The following PCLO variants were observed in gnomAD, a reference collection of about 807,000 sequenced individuals.
The protein encoded by PCLO is protein piccolo.
A neutral mutation model predicts 427.5 loss-of-function variants in PCLO; 82 were observed. The observed-to-expected ratio is 0.19, with a 90% CI of 0.16 to 0.23. The LOEUF (loss-of-function observed/expected upper bound fraction) is 0.23, where lower values mean the gene tolerates loss of function less well. PCLO is among the 10% of genes least tolerant of loss of function. PCLO has a pLI of 1.00. For synonymous variants in PCLO, 2,357 were observed against 2,155.4 expected, an observed-to-expected ratio of 1.09 and a Z score of -2.59; for missense variants, 6,239 against 6,115.9, an observed-to-expected ratio of 1.02 and a Z score of -0.67.
At chr7:83,050,807 G>A (rs1187463082) in intron 3 of PCLO, among the ~76,000 whole-genome samples, 2 of 151,692 alleles carry the variant, frequency 1.3e-5, no homozygotes, top group Non-Finnish European at 2.9e-5. Flanking sequence ...CAGCTACTCA[G>A]GAGGCTAAAA....
Position 83,135,589 on chromosome 7 carries a change from G to C in PCLO, c.1961C>G (p.Pro654Arg), listed in dbSNP as rs770951165. ...CTTCAGTTTGGGCTGGGGTGATGAC[G>C]GAACTGGAGCCAGATCCCCGCCTAG... ...RALGGDLAPV[P>R]SSPQPKLKTA... Residue 654 changes from proline to arginine, a missense_variant, in exon 3 of 25, where the codon CCG becomes CGG. By Grantham distance (103) the Pro-to-Arg change is moderately radical. Transcript: ENST00000333891. 2 of 1,612,792 alleles carry C rather than the reference G, an allele frequency of 1.2e-6. No individual in the cohort carries two copies. The highest frequency in any genetic ancestry group is 1.7e-6 in the Non-Finnish European group (2 of 1,179,518).
Position 82,801,532 on chromosome 7 carries a change from A to G in PCLO, c.14993T>C (p.Leu4998Pro). ...PVKQPGVGVG[L>P]ADTEAKTQVM... ...TTTTTACTTACCTTCAGTGTCTGCT[A>G]GTCCTACTCCTACCCCTGGCTGTTT... Residue 4998 changes from leucine to proline, a missense_variant, in exon 22 of 25, where the codon CTA (leucine) becomes CCA (proline). This residue lies in a region of PCLO where 877 missense variants were observed against 925.5 expected (regional missense o/e 0.95). Coordinates refer to ENST00000333891, the MANE Select transcript of PCLO (RefSeq NM_033026.6). 6.3e-7 allele frequency: 1 copy of G among 1,579,578 alleles called. No individual in the cohort carries two copies. Among genetic ancestry groups the G allele is most frequent in the Non-Finnish European group, 8.7e-7 (1 of 1,148,748 alleles).
chr7:82,967,953 C>A (rs1374583255), intron 3 of PCLO, among the ~76,000 whole-genome samples: 1 of 152,160 alleles, frequency 6.6e-6, no homozygotes, highest in African/African-American at 2.4e-5. Flanking sequence ...GCTTTTCATG[C>A]TGGCTCACTC....
intron 3 of PCLO, among the ~76,000 whole-genome samples, chr7:82,999,248 A>G (rs1369503148): frequency 6.9e-6 from 1 of 145,014 alleles, no homozygotes; most frequent in Non-Finnish European, 1.5e-5. Flanking sequence ...TAAAATATAT[A>G]TGGATATATA....
chr7:82,967,204 T>TTTC (rs969002449), intron 3 of PCLO, among the ~76,000 whole-genome samples: 7 of 133,104 alleles, frequency 5.3e-5, no homozygotes, highest in African/African-American at 2.8e-4. Flanking sequence ...TTTCTTTTTT[T>TTTC]TTTTTTTTTT....
In PCLO at chr7:83,155,601, C is replaced by T. The variant is rs1792268937; in HGVS notation, c.1040G>A (p.Gly347Glu). 1 of 1,612,172 alleles carries T rather than the reference C, an allele frequency of 6.2e-7. No individual in the cohort carries two copies. Among genetic ancestry groups the T allele is most frequent in the African/African-American group, 1.3e-5 (1 of 74,772 alleles). ...GLTKPLAQQP[G>E]TVKPPVQPPG... ...TGGCTGGACTGGGGGTTTCACTGTC[C>T]CTGGTTGTTGAGCCAATGGCTTTGT... Residue 347 changes from glycine (G) to glutamate (E), a missense_variant, in exon 2 of 25, where the codon GGG becomes GAG. Transcript: ENST00000333891.
chr7:83,059,691 G>A (rs866613590), intron 3 of PCLO, among the ~76,000 whole-genome samples: 1 of 152,114 alleles, frequency 6.6e-6, no homozygotes, highest in Non-Finnish European at 1.5e-5. Context: ...TGGTTAAGAG[G>A]TGAAGAGCTA....
intron 3 of PCLO, among the ~76,000 whole-genome samples, chr7:83,130,130 T>G (rs962063785): frequency 1.3e-5 from 2 of 151,210 alleles, no homozygotes; most frequent in South Asian, 2.1e-4. Flanking sequence ...CCATTATGTT[T>G]TTGTTGTTGT....
At chr7:83,000,738 G>A (rs760050168) in intron 3 of PCLO, among the ~76,000 whole-genome samples, 1 of 151,996 alleles carries the variant, frequency 6.6e-6, no homozygotes, top group Non-Finnish European at 1.5e-5. Flanking sequence ...AGGGGTTGAC[G>A]ACCTCAGCTT....
rs1161030427 is a variant in PCLO at position 83,037,989 on chromosome 7, TTATATATATATATATATATA to T, written c.3301-71522_3301-71503del. Among the ~76,000 whole-genome samples the T allele has an allele frequency of 2.8e-3, 38 of 13,596 alleles. 7 individuals carry two copies. The highest frequency in any genetic ancestry group is 0.011 in the Admixed American group (7 of 618). The allele number at this position is 13,596 out of a possible 152,430, so 8.9% of individuals were successfully genotyped here. A position where few individuals can be genotyped will look rare whatever the true frequency, so the allele number is the denominator to read the frequency against. ...GTTGTGTGGAGGTGTAAGGAGGAGCTTATATATATATATATATATATATATATATATATATATATATTTAT... is the reference window on the plus strand; with the variant it reads ...GTTGTGTGGAGGTGTAAGGAGGAGCTTATATATATATATATATATATTTAT... On this transcript the variant is annotated intron_variant, in intron 3 of 24. Transcript: ENST00000333891.
chr7:83,152,075 C>T (rs1313289156), intron 2 of PCLO, among the ~76,000 whole-genome samples: 1 of 151,994 alleles, frequency 6.6e-6, no homozygotes, highest in Non-Finnish European at 1.5e-5. Flanking sequence ...GGCCATTCTC[C>T]TGCTTCAGCC....
chr7:83,001,504 A>AT (rs1787822130), intron 3 of PCLO, among the ~76,000 whole-genome samples: 3 of 107,288 alleles, frequency 2.8e-5, no homozygotes, highest in African/African-American at 4.3e-5. Context: ...ACACACATAC[A>AT]AACACACACA....
chr7:82,794,316 G>T (rs565754769), intron 22 of PCLO, among the ~76,000 whole-genome samples: 2 of 151,616 alleles, frequency 1.3e-5, no homozygotes, highest in African/African-American at 4.8e-5. Context: ...CTTTTCTGTG[G>T]AATTACTGCT....
rs1794469070 is a variant in PCLO, at chr7:82,916,502, A to G, written c.11484T>C (p.Ala3828=). 1.2e-6 allele frequency: 2 copies of G among 1,613,598 alleles called. No individual in the cohort carries two copies. Among genetic ancestry groups the G allele is most frequent in the African/African-American group, 2.7e-5 (2 of 74,902 alleles). The change falls in exon 7 of 25, where the codon GCT becomes GCC. Residue 3828 remains alanine (A), a synonymous_variant. Transcript: ENST00000333891. ...KRERAYLQGV[A]EDRDYMSDSE... The stretch of plus-strand genomic sequence containing the variant: ...TGTCAGACATGTAATCACGATCCTC[A>G]GCTACTCCCTGGAGGTAGGCTCGTT...
At chr7:83,151,510 G>A (rs371959637) in intron 2 of PCLO, among the ~76,000 whole-genome samples, 17 of 152,210 alleles carry the variant, frequency 1.1e-4, no homozygotes, top group African/African-American at 3.9e-4. Flanking sequence ...GTAACAGAAA[G>A]TGTAAATGGC....
At chr7:83,088,462 C>T (rs1584005692) in intron 3 of PCLO, among the ~76,000 whole-genome samples, 1 of 152,310 alleles carries the variant, frequency 6.6e-6, no homozygotes, top group East Asian at 1.9e-4. Flanking sequence ...TGATCCTCTT[C>T]ACTTTTAACC....
At chr7:83,095,943 T>A (rs1790524588) in intron 3 of PCLO, among the ~76,000 whole-genome samples, 1 of 152,090 alleles carries the variant, frequency 6.6e-6, no homozygotes, top group Non-Finnish European at 1.5e-5. Flanking sequence ...AGATCCTGGT[T>A]ATAAAACTTA....
intron 6 of PCLO, among the ~76,000 whole-genome samples, chr7:82,926,066 T>C (rs1425102125): frequency 1.3e-5 from 2 of 152,088 alleles, no homozygotes; most frequent in African/African-American, 2.4e-5. Flanking sequence ...GAGCGACCTG[T>C]GAATAAGGAA....
chr7:83,110,869 T>C (rs190839102), intron 3 of PCLO, among the ~76,000 whole-genome samples: 25 of 152,318 alleles, frequency 1.6e-4, no homozygotes, highest in East Asian at 1.4e-3. Flanking sequence ...ATTTCCTATA[T>C]AGTCTGGTTC....
Sources: allele counts gnomAD v4.1 joint callset (sites outside exome capture counted in the v4.1 genomes callset), GRCh38; gene constraint gnomAD v4.1.1; regional missense constraint gnomAD v4.1.1; transcripts MANE v1.5; gene names NCBI Gene and HGNC (gene_info 2026-07-23, HGNC 2026-07-21).